Variants in C10orf90 observed in about 807,000 individuals in gnomAD.
C10orf90 encodes chromosome 10 open reading frame 90.
Under a neutral mutation model 62.5 loss-of-function variants are expected in C10orf90, and 56 were observed. The ratio of observed to expected loss-of-function variants is 0.90; its 90% CI spans 0.72 to 1.12. The LOEUF is 1.12. Among genes scored for constraint, C10orf90 ranks in the 50% most tolerant of loss-of-function variants. C10orf90 has a pLI of 0.00. For missense variants in C10orf90, 970 were observed against 880.4 expected (o/e 1.10, Z -1.29); for synonymous variants, 386 against 340.4 (o/e 1.13, Z -1.47).
intron 8 of C10orf90, among the ~76,000 whole-genome samples, chr10:126,428,476 A>G (rs1277790138): frequency 6.6e-6 from 1 of 152,206 alleles, no homozygotes; most frequent in East Asian, 1.9e-4. Flanking sequence ...CCCAAAGTAC[A>G]ATCCACAGAG....
At chr10:126,436,513 C>T (rs1476147955) in intron 7 of C10orf90, among the ~76,000 whole-genome samples, 2 of 152,114 alleles carry the variant, frequency 1.3e-5, no homozygotes, top group Non-Finnish European at 2.9e-5. Flanking sequence ...TTGCCTGAGC[C>T]TCCATAAAAT....
At chr10:126,636,523 A>G (rs1056446787) in intron 2 of C10orf90, among the ~76,000 whole-genome samples, 1 of 152,208 alleles carries the variant, frequency 6.6e-6, no homozygotes, top group Non-Finnish European at 1.5e-5. Flanking sequence ...TAATGAGAGG[A>G]CAAATAATTG....
intron 7 of C10orf90, among the ~76,000 whole-genome samples, chr10:126,436,830 T>A (rs867103430): frequency 6.6e-5 from 10 of 152,080 alleles, no homozygotes; most frequent in African/African-American, 2.4e-4. Context: ...GTTATTTTTG[T>A]TTTGTTTTTT....
intron 2 of C10orf90, among the ~76,000 whole-genome samples, chr10:126,627,869 T>C (rs2133825047): frequency 6.6e-6 from 1 of 152,348 alleles, no homozygotes; most frequent in South Asian, 2.1e-4. Flanking sequence ...ACTATCGGCA[T>C]GCGCCTCTGT....
chr10:126,431,847 G>A (rs1470523775), intron 7 of C10orf90, among the ~76,000 whole-genome samples: 1 of 151,898 alleles, frequency 6.6e-6, no homozygotes, highest in African/African-American at 2.4e-5. Flanking sequence ...TTAAGCTTGG[G>A]TTTGATTCCC....
intron 1 of C10orf90, among the ~76,000 whole-genome samples, chr10:126,663,812 G>T (rs1340668768): frequency 6.6e-6 from 1 of 152,100 alleles, no homozygotes; most frequent in Non-Finnish European, 1.5e-5. Context: ...TAGATTTCTG[G>T]ATGCCACCCC....
chr10:126,491,262 A>G (rs981239633), intron 4 of C10orf90, among the ~76,000 whole-genome samples: 1 of 152,248 alleles, frequency 6.6e-6, no homozygotes, highest in East Asian at 1.9e-4. Flanking sequence ...TTCAATTTAT[A>G]TAGATTCTAG....
At chr10:126,538,042 A>C (rs1228805149) in intron 2 of C10orf90, among the ~76,000 whole-genome samples, 1 of 152,222 alleles carries the variant, frequency 6.6e-6, no homozygotes, top group Non-Finnish European at 1.5e-5. Context: ...ACTGCTAATA[A>C]AGATATATCT....
chr10:126,666,733 C>T lies in C10orf90; in HGVS notation c.240+3508G>A, dbSNP rs572497339. ...GTGGCTCACACCTGTAATCCCAGCA[C>T]TTTGGGAGATCAAGGCGGGCGGATC... On this transcript the variant is annotated intron_variant, in intron 1 of 9. Transcript: ENST00000488181. 5.5e-4 allele frequency among the ~76,000 whole-genome samples: 84 copies of T among 152,134 alleles called. 2 individuals carry two copies. The South Asian group carries it at 0.017, about 30-fold the overall frequency.
At chr10:126,470,081 C>T in intron 4 of C10orf90, 1 of 453,234 alleles carries the variant, frequency 2.2e-6, no homozygotes, top group Non-Finnish European at 4.4e-6. Flanking sequence ...CTGCATGTTG[C>T]ATACTGCAGG....
chr10:126,573,975 T>C (rs1844561080), intron 2 of C10orf90, among the ~76,000 whole-genome samples: 1 of 152,316 alleles, frequency 6.6e-6, no homozygotes, highest in Non-Finnish European at 1.5e-5. Context: ...AAATAGAAGT[T>C]TGTGGTAGTT....
chr10:126,560,617 C>T (rs975565205), intron 2 of C10orf90, among the ~76,000 whole-genome samples: 12 of 152,142 alleles, frequency 7.9e-5, no homozygotes, highest in South Asian at 2.1e-4. Flanking sequence ...TCTTTAGTGA[C>T]GGCAGAGGAA....
chr10:126,461,901 G>T (rs1860007986), intron 5 of C10orf90, among the ~76,000 whole-genome samples: 1 of 152,152 alleles, frequency 6.6e-6, no homozygotes, highest in African/African-American at 2.4e-5. Flanking sequence ...CATATTAAGT[G>T]TGTCCTGTCC....
At chr10:126,568,478 T>C (rs1406946661) in intron 2 of C10orf90, among the ~76,000 whole-genome samples, 1 of 152,232 alleles carries the variant, frequency 6.6e-6, no homozygotes, top group East Asian at 1.9e-4. Flanking sequence ...TCCCTCATCC[T>C]GAACATCCCT....
Position 126,503,900 on chromosome 10 carries a change from T to G in C10orf90, c.1534+57A>C, listed in dbSNP as rs76703093. Reference sequence around the variant, plus strand: ...TTTGTATAAGAAATTCACTCAACAGTCACCTTGCTAGGACATTTACTCAGG... The same window carrying G: ...TTTGTATAAGAAATTCACTCAACAGGCACCTTGCTAGGACATTTACTCAGG... On this transcript the variant is annotated intron_variant, in intron 4 of 9. Transcript: ENST00000488181. 4 of 1,537,080 alleles carry G rather than the reference T, an allele frequency of 2.6e-6. No homozygotes were observed. In the African/African-American group the frequency reaches 5.5e-5, roughly 21 times the overall value.
chr10:126,451,080 A>G (rs986880520), intron 7 of C10orf90, among the ~76,000 whole-genome samples: 6 of 152,168 alleles, frequency 3.9e-5, no homozygotes, highest in Non-Finnish European at 7.3e-5. Context: ...CAACAGGTAT[A>G]TGAGAAAACA....
intron 7 of C10orf90, among the ~76,000 whole-genome samples, chr10:126,432,465 C>A (rs1242888157): frequency 6.6e-6 from 1 of 152,168 alleles, no homozygotes; most frequent in East Asian, 1.9e-4. Flanking sequence ...TTGGGAGAAG[C>A]TGGACAAGTC....
intron 7 of C10orf90, among the ~76,000 whole-genome samples, chr10:126,433,690 C>T (rs921879490): frequency 3.7e-4 from 56 of 152,184 alleles, no homozygotes; most frequent in Middle Eastern, 3.4e-3. Context: ...AATGCAAAAC[C>T]AACCTGCATG....
Position 126,459,169 on chromosome 10 carries a change from G to A in C10orf90, c.2059C>T (p.Arg687Trp), listed in dbSNP as rs139123090. 6,588 of 1,614,124 alleles carry A rather than the reference G, an allele frequency of 4.1e-3. 18 individuals are homozygous for A. Among genetic ancestry groups the A allele is most frequent in the Non-Finnish European group, 4.7e-3 (5,530 of 1,180,034 alleles). ...KPQFISRSQE[R>W]LKKLEHMVQQ... ...ACCATGTGTTCAAGCTTCTTCAGCC[G>A]TTCTTGTGAGCGAGAAATGAACTGA... Residue 687 changes from arginine (R) to tryptophan (W), a missense_variant, in exon 7 of 10, where the codon CGG becomes TGG. Physicochemically the swap from Arg to Trp is moderately radical, Grantham distance 101 (BLOSUM62 -3). Transcript: ENST00000488181.
Sources: allele counts gnomAD v4.1 joint callset (sites outside exome capture counted in the v4.1 genomes callset), GRCh38; gene constraint gnomAD v4.1.1; transcripts MANE v1.5; gene names NCBI Gene and HGNC (gene_info 2026-07-23, HGNC 2026-07-21).